Variants in NEK10 observed in about 807,000 individuals in gnomAD.
The protein encoded by NEK10 is NIMA related kinase 10, also known as serine/threonine-protein kinase Nek10.
Under a neutral mutation model 159.8 loss-of-function variants are expected in NEK10, and 122 were observed. That is an observed-to-expected ratio of 0.76 (90% CI 0.66 to 0.89). NEK10 has a LOEUF of 0.89. Ranked by LOEUF, NEK10 falls within the 40% of genes least tolerant of loss-of-function variation. The probability of loss-of-function intolerance (pLI) is 0.00; values close to 1 mark genes in which losing one functional copy is unlikely to be tolerated. For missense variants in NEK10, 1,342 were observed against 1,323.1 expected, an observed-to-expected ratio of 1.01 and a Z score of -0.22; for synonymous variants, 466 against 457.1, an observed-to-expected ratio of 1.02 and a Z score of -0.25.
chr3:27,344,157 C>A, intron 5 of NEK10, 115 bp downstream of exon 5: 1 of 551,422 alleles, frequency 1.8e-6, no homozygotes, highest in South Asian at 3.0e-5. Flanking sequence ...TTGCCTCCTT[C>A]TTTCCTTTAA....
intron 31 of NEK10, among the ~76,000 whole-genome samples, chr3:27,136,021 C>T (rs1265493963): frequency 1.3e-5 from 2 of 151,516 alleles, no homozygotes; most frequent in Non-Finnish European, 2.9e-5. Context: ...ACATTTTTTT[C>T]CATTGGCAAT....
chr3:27,340,500 T>C (rs2047127402), intron 5 of NEK10, among the ~76,000 whole-genome samples: 1 of 152,072 alleles, frequency 6.6e-6, no homozygotes, highest in South Asian at 2.1e-4. Flanking sequence ...GTTCTGAACA[T>C]GTATACCAGA....
chr3:27,151,332 T>A (rs1184366333), intron 30 of NEK10, among the ~76,000 whole-genome samples: 1 of 152,106 alleles, frequency 6.6e-6, no homozygotes, highest in Non-Finnish European at 1.5e-5. Context: ...ATCACAGGAC[T>A]CTGTGCAGAA....
At chr3:27,332,740 T>C (rs1291754667) in intron 5 of NEK10, among the ~76,000 whole-genome samples, 3 of 152,138 alleles carry the variant, frequency 2.0e-5, no homozygotes, top group Non-Finnish European at 1.5e-5. Context: ...GTCAATTAAT[T>C]AGAGAATATG....
chr3:27,336,190 A>G (rs962471309), intron 5 of NEK10, among the ~76,000 whole-genome samples: 2 of 152,164 alleles, frequency 1.3e-5, no homozygotes, highest in Admixed American at 6.6e-5. Flanking sequence ...ACACAAAAAT[A>G]CAAAAGATCA....
At chr3:27,361,652 A>G (rs1684370375) in intron 1 of NEK10, among the ~76,000 whole-genome samples, 1 of 152,170 alleles carries the variant, frequency 6.6e-6, no homozygotes, top group Non-Finnish European at 1.5e-5. Context: ...CTTCCAATAA[A>G]ATAGTTAACC....
At chr3:27,201,714 C>T (rs1187425971) in intron 24 of NEK10, 134 bp from the exon 25 acceptor site, 17 of 631,474 alleles carry the variant, frequency 2.7e-5, no homozygotes, top group Non-Finnish European at 2.6e-5. Context: ...TCAGAAATCC[C>T]GACCAAATAA....
chr3:27,292,718 CAGCT>C (rs1412709229), intron 16 of NEK10, among the ~76,000 whole-genome samples: 5 of 147,328 alleles, frequency 3.4e-5, no homozygotes, highest in Non-Finnish European at 5.9e-5. Flanking sequence ...CCTGTAGTCC[CAGCT>C]ACTCAGGAGG....
chr3:27,152,677 T>C (rs1220796535), intron 30 of NEK10, among the ~76,000 whole-genome samples: 1 of 151,108 alleles, frequency 6.6e-6, no homozygotes, highest in African/African-American at 2.4e-5. Context: ...AATACTAACA[T>C]TGAATGTAAA....
In NEK10 at chr3:27,134,237, T is replaced by C. The variant is rs567980805; in HGVS notation, c.2971-2247A>G. ...GAAACAGACATGAAGGTGAGGAGCA[T>C]GTGCATGTATATTCCTAGCAGGAAG... On this transcript the variant is annotated intron_variant, in intron 31 of 35. Coordinates refer to ENST00000691995, the MANE Select transcript of NEK10 (RefSeq NM_001394966.1). 3.3e-5 allele frequency among the ~76,000 whole-genome samples: 5 copies of C among 152,234 alleles called. No homozygotes were observed. The South Asian group carries it at 1.0e-3, about 32-fold the overall frequency.
intron 31 of NEK10, among the ~76,000 whole-genome samples, chr3:27,138,538 C>G (rs1029448968): frequency 6.6e-6 from 1 of 152,170 alleles, no homozygotes; most frequent in East Asian, 1.9e-4. Flanking sequence ...TTAGATTTCT[C>G]TTCCCCTCCC....
intron 29 of NEK10, among the ~76,000 whole-genome samples, chr3:27,166,027 G>C (rs995727587): frequency 4.6e-5 from 7 of 152,162 alleles, no homozygotes; most frequent in Non-Finnish European, 8.8e-5. Context: ...ATTTGATATT[G>C]ATAAAAATAA....
chr3:27,179,346 C>T (rs957163897), intron 26 of NEK10, among the ~76,000 whole-genome samples: 1 of 152,106 alleles, frequency 6.6e-6, no homozygotes, highest in Non-Finnish European at 1.5e-5. Flanking sequence ...CATTATTATA[C>T]TATCTTAATT....
chr3:27,124,780 T>C (rs1238754716), intron 32 of NEK10, among the ~76,000 whole-genome samples: 3 of 152,156 alleles, frequency 2.0e-5, no homozygotes, highest in African/African-American at 7.2e-5. Flanking sequence ...ATTCCCGACA[T>C]GCCAGATGGC....
Position 27,346,198 on chromosome 3 carries a change from C to T in NEK10, c.151G>A (p.Asp51Asn), listed in dbSNP as rs762688380. ...TTCGTCATGCTATTTTGGGCACTAT[C>T]GAAGTTAATGGCTGGAAGCTACAGA... ...SKQQLPAINF[D>N]SAQNSMTKSE... Residue 51 changes from aspartate (D) to asparagine (N), a missense_variant, in exon 4 of 36, where the codon GAT (aspartate) becomes AAT (asparagine). By Grantham distance (23) the Asp-to-Asn change is conservative. Coordinates refer to ENST00000691995, the MANE Select transcript of NEK10 (RefSeq NM_001394966.1). 9 of 1,613,482 alleles carry T rather than the reference C, an allele frequency of 5.6e-6. No homozygotes were observed. Among genetic ancestry groups the T allele is most frequent in the African/African-American group, 2.7e-5 (2 of 74,864 alleles).
At chr3:27,301,514 G>T (rs1005144906) in intron 13 of NEK10, among the ~76,000 whole-genome samples, 182 bp downstream of exon 13, 1 of 152,170 alleles carries the variant, frequency 6.6e-6, no homozygotes, top group South Asian at 2.1e-4. Context: ...AACATTTGTT[G>T]TATCATTCAT....
At chr3:27,218,791 CG>C (rs890039606) in intron 23 of NEK10, among the ~76,000 whole-genome samples, 4 of 143,648 alleles carry the variant, frequency 2.8e-5, no homozygotes, top group Non-Finnish European at 6.0e-5. Context: ...GAGCATTTGA[CG>C]AAGTCCAACT....
chr3:27,226,493 C>T lies in NEK10; in HGVS notation c.2091-23936G>A, dbSNP rs548833034. ...CTAGCTATTTCTTGAGTGGACCTAA[C>T]GGCTGCTGCAGAGGTCACAGTAACG... is the stretch of plus-strand genomic sequence containing the variant. On this transcript the variant is annotated intron_variant, in intron 23 of 35. Transcript: ENST00000691995. Among the ~76,000 whole-genome samples the T allele has an allele frequency of 9.0e-4, 137 of 152,282 alleles. 1 individual carries two copies. Among genetic ancestry groups the T allele is most frequent in the Middle Eastern group, 3.4e-3 (1 of 294 alleles).
intron 32 of NEK10, among the ~76,000 whole-genome samples, chr3:27,129,891 T>G (rs1418167674): frequency 6.7e-6 from 1 of 149,364 alleles, no homozygotes; most frequent in African/African-American, 2.4e-5. Flanking sequence ...TAAGAAAGGT[T>G]TTTTTTTTTT....
Sources: allele counts gnomAD v4.1 joint callset (sites outside exome capture counted in the v4.1 genomes callset), GRCh38; gene constraint gnomAD v4.1.1; transcripts MANE v1.5; gene names NCBI Gene and HGNC (gene_info 2026-07-23, HGNC 2026-07-21).